SCNN1B: variants seen among roughly 807,000 people sequenced by gnomAD.
SCNN1B encodes sodium channel epithelial 1 subunit beta, also known as epithelial sodium channel subunit beta.
Under a neutral mutation model 65.3 loss-of-function variants are expected in SCNN1B, and 46 were observed. That is an observed-to-expected ratio of 0.70 (90% CI 0.56 to 0.90). The LOEUF is 0.90. Ranked by LOEUF, SCNN1B falls within the 40% of genes least tolerant of loss-of-function variation. The pLI is 0.00. For synonymous variants in SCNN1B, 349 were observed against 330.6 expected (o/e 1.06, Z -0.60); for missense variants, 751 against 830.5 (o/e 0.90, Z 1.18).
intron 1 of SCNN1B, among the ~76,000 whole-genome samples, chr16:23,334,541 A>T (rs1961896267): frequency 6.6e-6 from 1 of 152,088 alleles, no homozygotes; most frequent in South Asian, 2.1e-4. Context: ...CTCACCTGAA[A>T]CCCTGAGGCA....
chr16:23,368,054 T>C lies in SCNN1B; in HGVS notation c.880+95T>C, dbSNP rs575245371. The C allele has an allele frequency of 1.0e-3, 1,018 of 1,003,562 alleles. 15 individuals are homozygous for C. In the South Asian group the frequency reaches 0.011, roughly 11 times the overall value. 62.2% of individuals were successfully genotyped at this position (1,003,562 alleles called of 1,614,324 possible). A position where few individuals can be genotyped will look rare whatever the true frequency, so the allele number is the denominator to read the frequency against. The stretch of plus-strand genomic sequence containing the variant: ...ACCATCAGCTGTTGCAGGGTGGGAC[T>C]GAGGGGGGACCAAGGCATCAAGAGG... On this transcript the variant is annotated intron_variant, in intron 5 of 12. Transcript: ENST00000343070.
intron 1 of SCNN1B, among the ~76,000 whole-genome samples, chr16:23,329,257 G>A (rs1961760431): frequency 6.6e-6 from 1 of 151,888 alleles, no homozygotes; most frequent in Non-Finnish European, 1.5e-5. Flanking sequence ...GACTATAGGT[G>A]TGTGCCACCA....
intron 2 of SCNN1B, among the ~76,000 whole-genome samples, chr16:23,284,212 C>T (rs1960820690): frequency 1.3e-5 from 2 of 152,054 alleles, no homozygotes; most frequent in Admixed American, 1.3e-4. Flanking sequence ...CAAGACCAGC[C>T]TGGCCAACAT....
At chr16:23,377,660 TTTCC>T (rs1324724766) in intron 10 of SCNN1B, among the ~76,000 whole-genome samples, 2 of 87,272 alleles carry the variant, frequency 2.3e-5, no homozygotes, top group Non-Finnish European at 4.9e-5. Flanking sequence ...TCCCTTCTTC[TTTCC>T]TTCCTTCCTT....
intron 5 of SCNN1B, among the ~76,000 whole-genome samples, chr16:23,368,646 G>C (rs1962721488): frequency 1.3e-5 from 2 of 152,212 alleles, no homozygotes; most frequent in African/African-American, 4.8e-5. Flanking sequence ...TGTGAGCCAT[G>C]ATGATGAGTA....
In SCNN1B at chr16:23,342,760, G is replaced by A. The variant is rs548045255; in HGVS notation, c.-8-5832G>A. ...CTGGGCTGCCTGTGGCCTGCAGGCC[G>A]CAGGATGGAAAAGCTTGATTTATAT... On this transcript the variant is annotated intron_variant, in intron 1 of 12. Transcript: ENST00000343070. Among the ~76,000 whole-genome samples the A allele has an allele frequency of 3.2e-3, 481 of 152,284 alleles. 4 individuals carry two copies. Among genetic ancestry groups the A allele is most frequent in the African/African-American group, 0.011 (442 of 41,562 alleles).
chr16:23,364,602 A>G (rs927121725), intron 4 of SCNN1B, among the ~76,000 whole-genome samples: 2 of 152,220 alleles, frequency 1.3e-5, no homozygotes, highest in African/African-American at 4.8e-5. Context: ...AAGGATGAAC[A>G]GAGGCAGAGG....
intron 1 of SCNN1B, among the ~76,000 whole-genome samples, chr16:23,343,707 G>GT (rs1962129019): frequency 1.3e-5 from 2 of 151,884 alleles, no homozygotes; most frequent in Non-Finnish European, 2.9e-5. Context: ...CACATTTATT[G>GT]TTTTTGCATT....
intron 4 of SCNN1B, among the ~76,000 whole-genome samples, chr16:23,359,760 C>T (rs1020240381): frequency 1.3e-5 from 2 of 152,238 alleles, no homozygotes; most frequent in African/African-American, 4.8e-5. Context: ...GGGCATGCTA[C>T]TTAGCCTTTC....
intron 2 of SCNN1B, among the ~76,000 whole-genome samples, chr16:23,285,036 A>AAAAG (rs1960831033): frequency 6.6e-6 from 1 of 152,210 alleles, no homozygotes; most frequent in Admixed American, 6.5e-5. Context: ...TTTAGTATCA[A>AAAAG]AAAGAAAGAA....
At chr16:23,376,616 A>G (rs1962901115) in intron 8 of SCNN1B, among the ~76,000 whole-genome samples, 1 of 151,986 alleles carries the variant, frequency 6.6e-6, no homozygotes, top group South Asian at 2.1e-4. Context: ...CCAACCACCG[A>G]AGAATTTTGT....
At chr16:23,346,923 C>A (rs1199377709) in intron 1 of SCNN1B, among the ~76,000 whole-genome samples, 1 of 152,092 alleles carries the variant, frequency 6.6e-6, no homozygotes, top group African/African-American at 2.4e-5. Flanking sequence ...TAATTATCCC[C>A]ATTTTATGGA....
At chr16:23,358,759 T>C (rs1422375108) in intron 4 of SCNN1B, among the ~76,000 whole-genome samples, 1 of 152,024 alleles carries the variant, frequency 6.6e-6, no homozygotes, top group African/African-American at 2.4e-5. Context: ...ATACAAAAAT[T>C]AGCCAGGTGT....
At chr16:23,303,722 C>T (rs1421601393) in intron 1 of SCNN1B, among the ~76,000 whole-genome samples, 1 of 151,376 alleles carries the variant, frequency 6.6e-6, no homozygotes, top group Non-Finnish European at 1.5e-5. Context: ...TTGAGACCAG[C>T]CCAGCCTACA....
chr16:23,332,813 C>T (rs1961841583), intron 1 of SCNN1B, among the ~76,000 whole-genome samples: 1 of 151,920 alleles, frequency 6.6e-6, no homozygotes, highest in African/African-American at 2.4e-5. Context: ...GGCTCATGCC[C>T]GTAATCCCAG....
intron 1 of SCNN1B, among the ~76,000 whole-genome samples, chr16:23,328,120 G>A (rs1350634530): frequency 1.3e-5 from 2 of 152,186 alleles, no homozygotes; most frequent in African/African-American, 2.4e-5. Context: ...CTAATCTGGT[G>A]AGTTTACAAG....
At chr16:23,374,084 T>C (rs1404268542) in intron 7 of SCNN1B, among the ~76,000 whole-genome samples, 1 of 151,918 alleles carries the variant, frequency 6.6e-6, no homozygotes, top group Non-Finnish European at 1.5e-5. Flanking sequence ...ACTTTCCAGA[T>C]GAGACAGAGA....
At chr16:23,362,381 T>A (rs1315870129) in intron 4 of SCNN1B, among the ~76,000 whole-genome samples, 1 of 151,812 alleles carries the variant, frequency 6.6e-6, no homozygotes, top group Non-Finnish European at 1.5e-5. Context: ...GAAACCAAGA[T>A]CTGGGCATAT....
At chr16:23,289,829 C>T (rs555381991) in intron 2 of SCNN1B, among the ~76,000 whole-genome samples, 1 of 152,110 alleles carries the variant, frequency 6.6e-6, no homozygotes, top group East Asian at 1.9e-4. Context: ...GCATGCGCCA[C>T]CACGCCTGGT....
Sources: gnomAD v4.1 joint callset for allele counts (sites outside exome capture counted in the v4.1 genomes callset) on GRCh38, gnomAD v4.1.1 for gene constraint, MANE v1.5 for transcripts, NCBI Gene and HGNC (gene_info 2026-07-23, HGNC 2026-07-21) for gene names.